Variants in PLOD3 observed in about 807,000 individuals in gnomAD.
PLOD3 encodes the protein procollagen-lysine,2-oxoglutarate 5-dioxygenase 3.
PLOD3 carries 73 observed loss-of-function variants against 96.9 expected under a neutral mutation model. The observed-to-expected ratio is 0.75, with a 90% CI of 0.62 to 0.92. PLOD3 has a LOEUF of 0.92. Ranked by LOEUF, PLOD3 falls within the 40% of genes least tolerant of loss-of-function variation. The pLI, the probability that PLOD3 is intolerant of heterozygous loss-of-function variation, is 0.00. For missense variants in PLOD3, 1,004 were observed against 1,004.3 expected (o/e 1.00, Z 0.00); for synonymous variants, 454 against 413.7 (o/e 1.10, Z -1.18).
intron 12 of PLOD3, 61 bp downstream of exon 12, chr7:101,211,530 C>A: frequency 6.5e-7 from 1 of 1,542,656 alleles, no homozygotes. Context: ...GAGTAGGGGG[C>A]TTGGGTCTAC....
intron 7 of PLOD3, 56 bp from the exon 8 acceptor site, chr7:101,212,999 G>T: frequency 7.0e-7 from 1 of 1,438,294 alleles, no homozygotes; most frequent in Non-Finnish European, 9.8e-7. Flanking sequence ...GGAGGTGGGG[G>T]TCAGGCACCT....
chr7:101,210,033 G>GC (rs1219812444), intron 15 of PLOD3, 60 bp downstream of exon 15: 2 of 820,306 alleles, frequency 2.4e-6, no homozygotes, highest in Non-Finnish European at 3.6e-6. Flanking sequence ...CCAGGCGGGG[G>GC]CCCCCAAGAG....
chr7:101,207,772 C>A lies in PLOD3; in HGVS notation c.1789-48G>T, dbSNP rs953421720. 1.3e-5 allele frequency: 21 copies of A among 1,609,192 alleles called. No homozygotes were observed. The African/African-American group carries it at 2.8e-4, about 22-fold the overall frequency. On this transcript the variant is annotated intron_variant, in intron 16 of 18. Coordinates refer to ENST00000223127, the MANE Select transcript of PLOD3 (RefSeq NM_001084.5). ...CACCCGCCCCTCCAGCCATGGCGCT[C>A]CCCACCCCAGGGCAGTCCAGCCTCC...
At chr7:101,210,817 C>A (rs1546842) in intron 12 of PLOD3, 144 bp from the exon 13 acceptor site, 8,452 of 787,360 alleles carry the variant, frequency 0.011, 176 homozygotes, top group East Asian at 0.078. Flanking sequence ...ACTGCTGGTC[C>A]CAACCACCCC....
rs770760479 is a variant in PLOD3 at position 101,215,101 on chromosome 7, T to G, written c.667A>C (p.Asn223His). 1.1e-5 allele frequency: 17 copies of G among 1,612,958 alleles called. No homozygotes were observed. The East Asian group carries it at 1.6e-4, about 15-fold the overall frequency. Residue 223 changes from asparagine (N) to histidine (H), a missense_variant, in exon 6 of 19, where the codon AAC (asparagine) becomes CAC (histidine). This residue lies in a region of PLOD3 where 690 missense variants were observed against 650.2 expected (regional missense o/e 1.06). Transcript: ENST00000223127. ...DHKSRIFQNL[N>H]GALDEVVLKF... ...TCTTCCTCCTCACCTAAAGCCCCGT[T>G]GAGGTTCTGAAAGATCCGAGACTTA...
At position 101,216,277 on chromosome 7, in the gene PLOD3, C is replaced by T; in HGVS notation, c.388G>A (p.Val130Ile). The change falls in exon 4 of 19, where the codon GTC becomes ATC. Residue 130 changes from valine to isoleucine, a missense_variant. This residue lies in a region of PLOD3 where 690 missense variants were observed against 650.2 expected (regional missense o/e 1.06). Coordinates refer to ENST00000223127, the MANE Select transcript of PLOD3 (RefSeq NM_001084.5). Reference protein sequence around the residue: ...GSPTELLKKFVQSGSRLLFSA... With the variant: ...GSPTELLKKFIQSGSRLLFSA... ...AAGAGCAGGCGGCTGCCACTCTGGA[C>T]GAACTTCTTCAGCAGCTCTGTGGGG... The T allele has an allele frequency of 1.9e-6, 3 of 1,613,526 alleles. No individual in the cohort carries two copies. The highest frequency in any genetic ancestry group is 2.2e-5 in the East Asian group (1 of 44,878).
chr7:101,215,253 G>T, intron 5 of PLOD3, 101 bp from the exon 6 acceptor site: 1 of 934,044 alleles, frequency 1.1e-6, no homozygotes, highest in Non-Finnish European at 1.8e-6. Context: ...TGCTTTTGTT[G>T]CTTAGGCTGG....
Position 101,206,830 on chromosome 7 carries a change from T to C in PLOD3, c.2010A>G (p.Ser670=), listed in dbSNP as rs1798092906. Residue 670 remains serine, a synonymous_variant, in exon 18 of 19, where the codon TCA becomes TCG. Coordinates refer to ENST00000223127, the MANE Select transcript of PLOD3 (RefSeq NM_001084.5). Reference sequence around the variant, plus strand: ...GGGCAACGTTGAGGGTGAAGGTGGATGAGTCGTGGTGTGGCCGCAGAGACG... The same window carrying C: ...GGGCAACGTTGAGGGTGAAGGTGGACGAGTCGTGGTGTGGCCGCAGAGACG... ...EQPSLRPHHD[S]STFTLNVALN... 1 of 1,576,102 alleles carries C rather than the reference T, an allele frequency of 6.3e-7. No individual in the cohort carries two copies. The highest frequency in any genetic ancestry group is 8.6e-7 in the Non-Finnish European group (1 of 1,160,608).
intron 6 of PLOD3, 129 bp downstream of exon 6, chr7:101,214,956 CCACT>C (rs1798245132): frequency 1.3e-6 from 1 of 775,192 alleles, no homozygotes; most frequent in African/African-American, 1.7e-5. Context: ...ACACAACCAG[CCACT>C]CAGACGCCTG....
intron 10 of PLOD3, 118 bp downstream of exon 10, chr7:101,212,135 G>A: frequency 1.5e-6 from 2 of 1,360,956 alleles, no homozygotes; most frequent in Non-Finnish European, 2.1e-6. Context: ...GATGCGAATG[G>A]GGAGGCCCAG....
In PLOD3 at chr7:101,206,317, G is replaced by A; in HGVS notation, c.2181C>T (p.Gly727=). Residue 727 remains glycine, a synonymous_variant, in exon 19 of 19, where the codon GGC becomes GGT. Transcript: ENST00000223127. ...HYHEGLPTTW[G]TRYIMVSFVD... is the part of the protein sequence containing the mutation. ...CAAAGGACACCATGATGTAGCGTGT[G>A]CCCCAGGTCGTTGGCAGCCCCTCGT... 1 of 1,614,040 alleles carries A rather than the reference G, an allele frequency of 6.2e-7. No individual in the cohort carries two copies. Among genetic ancestry groups the A allele is most frequent in the Non-Finnish European group, 8.5e-7 (1 of 1,179,938 alleles).
chr7:101,206,375 G>A lies in PLOD3; in HGVS notation c.2123C>T (p.Ala708Val), dbSNP rs752400866. Residue 708 changes from alanine to valine, a missense_variant, in exon 19 of 19, where the codon GCA becomes GTA. By Grantham distance (64) the Ala-to-Val change is moderately conservative (BLOSUM62 0). Transcript: ENST00000223127. ...GGTGAGGCGGCCGGGGTGCAGGAGT[G>A]CCCAGCCCTTCCTCGGGGAGGAGAT... ...CVISSPRKGW[A>V]LLHPGRLTHY... 1 of 1,613,550 alleles carries A rather than the reference G, an allele frequency of 6.2e-7. No homozygotes were observed. The highest frequency in any genetic ancestry group is 1.1e-5 in the South Asian group (1 of 91,086).
rs1197084383 is a variant in PLOD3, at chr7:101,216,526, C to T, written c.222G>A (p.Glu74=). Residue 74 remains glutamate (E), a synonymous_variant, in exon 3 of 19, where the codon GAG becomes GAA. Coordinates refer to ENST00000223127, the MANE Select transcript of PLOD3 (RefSeq NM_001084.5). ...YTVRTLGLGE[E]WRGGDVARTV... ...TTCGAGCCACATCACCCCCTCGCCA[C>T]TCCTCTCCCAGGCCCAGGGTCTGTG... The T allele has an allele frequency of 5.6e-6, 9 of 1,614,032 alleles. No homozygotes were observed. The Admixed American group carries it at 1.5e-4, about 27-fold the overall frequency.
At chr7:101,212,789 C>G in intron 8 of PLOD3, 53 bp downstream of exon 8, 1 of 1,565,502 alleles carries the variant, frequency 6.4e-7, no homozygotes, top group Non-Finnish European at 8.8e-7. Context: ...GTCCTTGTAC[C>G]TCCTGCTCAG....
intron 12 of PLOD3, 113 bp downstream of exon 12, chr7:101,211,478 G>T: frequency 8.9e-7 from 1 of 1,128,634 alleles, no homozygotes; most frequent in Non-Finnish European, 1.2e-6. Flanking sequence ...ACTGCAGCCA[G>T]CCTCATGGCA....
In PLOD3 at chr7:101,216,199, C is replaced by A; in HGVS notation, c.466G>T (p.Glu156Ter). The change falls in exon 4 of 19, where the codon GAG (glutamate) becomes TAG (stop). Residue 156 changes from glutamate (E) to a stop codon, truncating the protein, a stop_gained. Coordinates refer to ENST00000223127, the MANE Select transcript of PLOD3 (RefSeq NM_001084.5). LOFTEE classifies it high-confidence loss of function. ...PEWGLAEQYP[E>*]VGTGKRFLNS... Reference sequence around the variant, plus strand: ...AGGAAGCGCTTCCCCGTGCCCACCTCAGGGTACTGCTCCGCCAGCCCCCAC... The same window carrying A: ...AGGAAGCGCTTCCCCGTGCCCACCTAAGGGTACTGCTCCGCCAGCCCCCAC... The A allele has an allele frequency of 1.2e-6, 2 of 1,614,052 alleles. No individual in the cohort carries two copies. Among genetic ancestry groups the A allele is most frequent in the Non-Finnish European group, 1.7e-6 (2 of 1,180,024 alleles).
chr7:101,209,818 G>C (rs377252701), intron 15 of PLOD3: 1 of 391,462 alleles, frequency 2.6e-6, no homozygotes, highest in Non-Finnish European at 4.6e-6. Context: ...TGGGATTACA[G>C]GCATGAGCCA....
In PLOD3 at chr7:101,216,254, G is replaced by T. The variant is rs758081027; in HGVS notation, c.411C>A (p.Leu137=). 6.2e-7 allele frequency: 1 copy of T among 1,613,718 alleles called. No individual in the cohort carries two copies. The change falls in exon 4 of 19, where the codon CTC becomes CTA. Residue 137 remains leucine (L), a synonymous_variant. Transcript: ENST00000223127. ...KKFVQSGSRL[L]FSAESFCWPE... Reference sequence around the variant, plus strand: ...GCCAGCAGAAGCTCTCTGCAGAGAAGAGCAGGCGGCTGCCACTCTGGACGA... The same window carrying T: ...GCCAGCAGAAGCTCTCTGCAGAGAATAGCAGGCGGCTGCCACTCTGGACGA...
chr7:101,216,486 G>C lies in PLOD3; in HGVS notation c.262C>G (p.Gln88Glu). 6 of 1,613,962 alleles carry C rather than the reference G, an allele frequency of 3.7e-6. No homozygotes were observed. Among genetic ancestry groups the C allele is most frequent in the Non-Finnish European group, 5.1e-6 (6 of 1,179,968 alleles). Residue 88 changes from glutamine to glutamate, a missense_variant, in exon 3 of 19, where the codon CAG (glutamine) becomes GAG (glutamate). Transcript: ENST00000223127. ...GDVARTVGGG[Q>E]KVRWLKKEME... is the part of the protein sequence containing the mutation. Reference sequence around the variant, plus strand: ...TCCTTCTTTAACCACCGGACCTTCTGTCCTCCACCAACTGTTCGAGCCACA... The same window carrying C: ...TCCTTCTTTAACCACCGGACCTTCTCTCCTCCACCAACTGTTCGAGCCACA...
Sources: allele counts gnomAD v4.1 joint callset, GRCh38; gene constraint gnomAD v4.1.1; regional missense constraint gnomAD v4.1.1; transcripts MANE v1.5; gene names NCBI Gene and HGNC (gene_info 2026-07-23, HGNC 2026-07-21).